The following MORN2 variants were observed in gnomAD, a reference collection of about 807,000 sequenced individuals.
MORN2 encodes the protein MORN repeat containing 2, also known as MORN repeat-containing protein 2.
MORN2 carries 15 observed loss-of-function variants against 13.4 expected under a neutral mutation model. The observed-to-expected ratio is 1.12, with a 90% CI of 0.75 to 1.72. The LOEUF (loss-of-function observed/expected upper bound fraction) is 1.72. Ranked by LOEUF, MORN2 falls within the 40% of genes most tolerant of loss-of-function variation. MORN2 has a pLI of 0.00. For synonymous variants in MORN2, 46 were observed against 43.6 expected, an observed-to-expected ratio of 1.06 and a Z score of -0.22; for missense variants, 168 against 134.6, an observed-to-expected ratio of 1.25 and a Z score of -1.23.
intron 1 of MORN2, among the ~76,000 whole-genome samples, chr2:38,876,472 G>C (rs1665626639): frequency 6.6e-6 from 1 of 152,200 alleles, no homozygotes; most frequent in African/African-American, 2.4e-5. Context: ...TTAATGCTCT[G>C]CTTCATAGGC....
intron 1 of MORN2, 48 bp downstream of exon 1, chr2:38,876,158 A>G: frequency 2.5e-6 from 1 of 398,696 alleles, no homozygotes; most frequent in Non-Finnish European, 4.4e-6. Flanking sequence ...AGCTCCTTTA[A>G]GTCGAACTAG....
rs201096776 is a variant in MORN2, at chr2:38,877,915, G to GC, written c.58+1810dup. ...GGGCTCAAGCGATCCTCCCACCTCA[G>GC]CCCCCAAGTAGCATGGACAACAAGC... On this transcript the variant is annotated intron_variant, in intron 1 of 4. Coordinates refer to ENST00000644631, the MANE Select transcript of MORN2 (RefSeq NM_001145450.3). Among the ~76,000 whole-genome samples the GC allele has an allele frequency of 3.0e-3, 449 of 151,788 alleles. 5 individuals carry two copies. The highest frequency in any genetic ancestry group is 0.01 in the Middle Eastern group (3 of 294).
At position 38,879,805 on chromosome 2, in the gene MORN2, G is replaced by A. The variant is rs115893452; in HGVS notation, c.59-374G>A. 8.9e-4 allele frequency among the ~76,000 whole-genome samples: 135 copies of A among 152,264 alleles called. 2 individuals are homozygous for A. The highest frequency in any genetic ancestry group is 3.2e-3 in the African/African-American group (132 of 41,536). On this transcript the variant is annotated intron_variant, in intron 1 of 4. Transcript: ENST00000644631. ...TTTTAAAGGGTAGATTTTGTGGTGT[G>A]TGAATTATATATTAATAAAGCTATC...
Sources: allele counts gnomAD v4.1 joint callset (sites outside exome capture counted in the v4.1 genomes callset), GRCh38; gene constraint gnomAD v4.1.1; transcripts MANE v1.5; gene names NCBI Gene and HGNC (gene_info 2026-07-23, HGNC 2026-07-21).